LIPT1: variants seen among roughly 807,000 people sequenced by gnomAD.
The protein encoded by LIPT1 is lipoyl amidotransferase LIPT1, mitochondrial.
In LIPT1, 22 loss-of-function variants were observed where a neutral mutation model predicts 25.1. The ratio of observed to expected loss-of-function variants is 0.88; its 90% CI spans 0.63 to 1.25. The LOEUF (loss-of-function observed/expected upper bound fraction) is 1.25. LIPT1 is among the 50% of genes most tolerant of loss of function. LIPT1 has a pLI of 0.00. For missense variants in LIPT1, 399 were observed against 432.8 expected (o/e 0.92, Z 0.69); for synonymous variants, 131 against 150.8 (o/e 0.87, Z 0.96).
rs765131724 is a variant in LIPT1 at position 99,156,069 on chromosome 2, CTGTG to C, written c.-2+1021_-2+1024del. 3.3e-5 allele frequency among the ~76,000 whole-genome samples: 5 copies of C among 152,292 alleles called. No homozygotes were observed. The East Asian group carries it at 9.6e-4, about 29-fold the overall frequency. On this transcript the variant is annotated intron_variant, in intron 1 of 1. Coordinates refer to ENST00000651691, the MANE Select transcript of LIPT1 (RefSeq NM_145199.3). Reference sequence around the variant, plus strand: ...CCCTTTGTTTTCACTTTTTCTCACTCTGTGTGATTTTTTCTTATCTTTCGGGGTT... The same window carrying C: ...CCCTTTGTTTTCACTTTTTCTCACTCTGATTTTTTCTTATCTTTCGGGGTT...
Position 99,155,742 on chromosome 2 carries a change from A to G in LIPT1, c.-2+691A>G, listed in dbSNP as rs999877554. 2.8e-4 allele frequency among the ~76,000 whole-genome samples: 42 copies of G among 152,200 alleles called. 2 individuals are homozygous for G. Among genetic ancestry groups the G allele is most frequent in the Admixed American group, 6.5e-5 (1 of 15,280 alleles). ...GATCCGCTACTGGAGCATAGAATAA[A>G]AAAAGAGGGGCACACCTGTGCCAGA... On this transcript the variant is annotated intron_variant, in intron 1 of 1. Transcript: ENST00000651691.
At chr2:99,155,087 G>T (rs1164825813) in intron 1 of LIPT1, 36 bp downstream of exon 1, 1 of 454,326 alleles carries the variant, frequency 2.2e-6, no homozygotes, top group East Asian at 7.0e-5. Context: ...CCGGGATGTT[G>T]CGGGCCGTAG....
intron 1 of LIPT1, chr2:99,156,306 A>G (rs542283687): frequency 6.6e-6 from 1 of 152,186 alleles, no homozygotes; most frequent in South Asian, 2.1e-4. Flanking sequence ...AATAGACTGA[A>G]TCTCGCTCTG....
intron 1 of LIPT1, 108 bp from the exon 2 acceptor site, chr2:99,161,849 C>A: frequency 1.0e-6 from 1 of 991,164 alleles, no homozygotes; most frequent in Non-Finnish European, 1.5e-6. Context: ...AGCAACTGCA[C>A]TGGATACTTT....
At chr2:99,161,879 G>A (rs1225698211) in intron 1 of LIPT1, 78 bp from the exon 2 acceptor site, 8 of 1,290,958 alleles carry the variant, frequency 6.2e-6, no homozygotes, top group East Asian at 4.8e-5. Flanking sequence ...TTAAATAACC[G>A]ATAATTGATA....
At chr2:99,159,537 C>G (rs2632283) in intron 1 of LIPT1, among the ~76,000 whole-genome samples, 77,293 of 152,014 alleles carry the variant, frequency 0.51, 21,565 homozygotes, top group Middle Eastern at 0.7. Context: ...GAGGCAGATT[C>G]GTATAACAGC....
intron 1 of LIPT1, chr2:99,161,445 A>G (rs1054223075): frequency 6.6e-6 from 1 of 150,846 alleles, no homozygotes; most frequent in Non-Finnish European, 1.5e-5. Flanking sequence ...GATTAGGACT[A>G]TCAATGCTTT....
intron 1 of LIPT1, among the ~76,000 whole-genome samples, chr2:99,161,111 A>G (rs2105194126): frequency 6.6e-6 from 1 of 151,400 alleles, no homozygotes; most frequent in East Asian, 1.9e-4. Context: ...CTAAAAATAC[A>G]AAATTTAGCC....
rs2093734990 is a variant in LIPT1 at position 99,155,014 on chromosome 2, A to C, written c.-39A>C. The C allele has an allele frequency of 6.6e-6, 3 of 455,912 alleles. No individual in the cohort carries two copies. The highest frequency in any genetic ancestry group is 3.1e-5 in the South Asian group (2 of 64,550). 28.2% of individuals were successfully genotyped at this position (455,912 alleles called of 1,614,324 possible). A position where few individuals can be genotyped will look rare whatever the true frequency, so the allele number is the denominator to read the frequency against. Reference sequence around the variant, plus strand: ...TCGTATGACGCACTTTTCCAGCTCGAGCCCTCACGAGGCCGTGGGTACGAC... The same window carrying C: ...TCGTATGACGCACTTTTCCAGCTCGCGCCCTCACGAGGCCGTGGGTACGAC... On this transcript the variant is annotated 5_prime_UTR_variant, in exon 1 of 2. Coordinates refer to ENST00000651691, the MANE Select transcript of LIPT1 (RefSeq NM_145199.3).
intron 1 of LIPT1, among the ~76,000 whole-genome samples, chr2:99,158,429 C>CAA (rs753259893): frequency 0.021 from 1,991 of 96,398 alleles, 86 homozygotes; most frequent in African/African-American, 0.045. Context: ...TTCATCTCTA[C>CAA]AAAAAAAAAA....
chr2:99,156,682 T>C (rs1372502852), intron 1 of LIPT1: 5 of 152,236 alleles, frequency 3.3e-5, no homozygotes, highest in Non-Finnish European at 7.3e-5. Context: ...AATTAATACC[T>C]TTGTTGTGTT....
In LIPT1 at chr2:99,161,976, A is replaced by G. The variant is rs755910778; in HGVS notation, c.19A>G (p.Met7Val). 8 of 1,599,400 alleles carry G rather than the reference A, an allele frequency of 5.0e-6. No homozygotes were observed. The highest frequency in any genetic ancestry group is 4.0e-5 in the African/African-American group (3 of 74,232). Residue 7 changes from methionine to valine, a missense_variant, in exon 2 of 2, where the codon ATG becomes GTG. Met to Val is a conservative substitution (Grantham distance 21, BLOSUM62 1). Coordinates refer to ENST00000651691, the MANE Select transcript of LIPT1 (RefSeq NM_145199.3). ...TAAAAGCATGCTGATCCCATTTTCA[A>G]TGAAGAATTGCTTCCAGTTACTTTG... MLIPFS[M>V]KNCFQLLCNC...
rs752610579 is a variant in LIPT1 at position 99,162,244 on chromosome 2, T to G, written c.287T>G (p.Leu96Arg). The G allele has an allele frequency of 6.2e-7, 1 of 1,613,664 alleles. No individual in the cohort carries two copies. The highest frequency in any genetic ancestry group is 8.5e-7 in the Non-Finnish European group (1 of 1,180,006). ...CTAATGAGAGAAGAAGGTATAAAAC[T>G]GGCTCGGAGAAGAAGTGGAGGAGGA... ...LNLMREEGIK[L>R]ARRRSGGGTV... is the part of the protein sequence containing the mutation. The change falls in exon 2 of 2, where the codon CTG becomes CGG. Residue 96 changes from leucine (L) to arginine (R), a missense_variant. Transcript: ENST00000651691.
intron 1 of LIPT1, among the ~76,000 whole-genome samples, chr2:99,155,995 T>C (rs1179948229): frequency 1.3e-5 from 2 of 152,246 alleles, no homozygotes; most frequent in Non-Finnish European, 2.9e-5. Flanking sequence ...AGATGGTCTA[T>C]AGTTCTCTTT....
rs761067400 is a variant in LIPT1, at chr2:99,162,890, T to C, written c.933T>C (p.Asn311=). The C allele has an allele frequency of 1.2e-6, 2 of 1,612,938 alleles. No individual in the cohort carries two copies. The highest frequency in any genetic ancestry group is 1.7e-6 in the Non-Finnish European group (2 of 1,179,450). Residue 311 remains asparagine (N), a synonymous_variant, in exon 2 of 2, where the codon AAT becomes AAC. Coordinates refer to ENST00000651691, the MANE Select transcript of LIPT1 (RefSeq NM_145199.3). ...AGAATGGAAGAATTGAAATTTGTAA[T>C]ATTGAAGCACCTGATCATTGGTTGC... ...DIKNGRIEIC[N]IEAPDHWLPL...
intron 1 of LIPT1, among the ~76,000 whole-genome samples, chr2:99,159,398 T>G (rs1045393717): frequency 2.6e-5 from 4 of 151,548 alleles, no homozygotes; most frequent in African/African-American, 9.7e-5. Flanking sequence ...ATCCATCCCC[T>G]TCTCTCTCTC....
chr2:99,163,076 G>A lies in LIPT1; in HGVS notation c.1119G>A (p.Met373Ile), dbSNP rs1210599302. ...NILCEKIKGI[M>I] ...TCTGTGAAAAAATTAAGGGAATAAT[G>A]TGATTCCAAGTAAATGTCTTAATAC... The change falls in exon 2 of 2, where the codon ATG becomes ATA. Residue 373 changes from methionine to isoleucine, a missense_variant. Met to Ile is a conservative substitution (Grantham distance 10). Coordinates refer to ENST00000651691, the MANE Select transcript of LIPT1 (RefSeq NM_145199.3). 6.6e-7 allele frequency: 1 copy of A among 1,526,542 alleles called. No individual in the cohort carries two copies. Among genetic ancestry groups the A allele is most frequent in the Non-Finnish European group, 8.8e-7 (1 of 1,136,048 alleles). 94.6% of individuals were successfully genotyped at this position (1,526,542 alleles called of 1,614,324 possible). A position where few individuals can be genotyped will look rare whatever the true frequency, so the allele number is the denominator to read the frequency against.
chr2:99,159,917 C>G (rs1261301807), intron 1 of LIPT1, among the ~76,000 whole-genome samples: 1 of 152,206 alleles, frequency 6.6e-6, no homozygotes, highest in East Asian at 1.9e-4. Flanking sequence ...CTGGAATATG[C>G]TCCTCGACCT....
intron 1 of LIPT1, among the ~76,000 whole-genome samples, chr2:99,159,228 TA>T (rs1401658835): frequency 6.6e-6 from 1 of 150,996 alleles, no homozygotes; most frequent in East Asian, 1.9e-4. Context: ...CATGCCCGGC[TA>T]ATTTTTTGTA....
Sources: gnomAD v4.1 joint callset for allele counts (sites outside exome capture counted in the v4.1 genomes callset) on GRCh38, gnomAD v4.1.1 for gene constraint, MANE v1.5 for transcripts, NCBI Gene and HGNC (gene_info 2026-07-23, HGNC 2026-07-21) for gene names.